The following OPN3 variants were observed in gnomAD, a reference collection of about 807,000 sequenced individuals.
OPN3 encodes the protein opsin 3, also known as opsin-3.
In OPN3, 29 loss-of-function variants were observed where a neutral mutation model predicts 33.8. The observed-to-expected ratio is 0.86, with a 90% CI of 0.64 to 1.17. The LOEUF is 1.17. OPN3 is among the 50% of genes most tolerant of loss of function. OPN3 has a pLI of 0.00. For synonymous variants in OPN3, 216 were observed against 216.1 expected (o/e 1.00, Z 0.00); for missense variants, 437 against 514.1 (o/e 0.85, Z 1.45).
chr1:241,598,340 A>G lies in OPN3; in HGVS notation c.694-343T>C, dbSNP rs949517889. On this transcript the variant is annotated intron_variant, in intron 2 of 3. Coordinates refer to ENST00000366554, the MANE Select transcript of OPN3 (RefSeq NM_014322.3). ...AAAGACAGCCTGAGAGAGTCACGAT[A>G]AAATGCAAAGAATTTCCCTGTGATC... 5.9e-5 allele frequency among the ~76,000 whole-genome samples: 9 copies of G among 152,292 alleles called. No homozygotes were observed. In the South Asian group the frequency reaches 8.3e-4, roughly 14 times the overall value.
At chr1:241,634,785 T>C (rs200332703) in intron 1 of OPN3, 13 of 1,613,838 alleles carry the variant, frequency 8.1e-6, no homozygotes, top group Non-Finnish European at 1.1e-5. Context: ...AGTTTTTTAG[T>C]TTTTAAGTAT....
intron 1 of OPN3, among the ~76,000 whole-genome samples, chr1:241,612,665 C>T (rs1244504021): frequency 6.6e-6 from 1 of 152,168 alleles, no homozygotes; most frequent in Non-Finnish European, 1.5e-5. Context: ...CCCTTAACTG[C>T]TCTATGGATA....
At chr1:241,632,807 CT>C (rs1322782961) in intron 1 of OPN3, 2 of 151,948 alleles carry the variant, frequency 1.3e-5, no homozygotes, top group Non-Finnish European at 2.9e-5. Context: ...ACTGAAAAAC[CT>C]TGGGTAATCT....
At chr1:241,627,156 TAA>T (rs1472328262) in intron 1 of OPN3, among the ~76,000 whole-genome samples, 2 of 152,314 alleles carry the variant, frequency 1.3e-5, no homozygotes, top group Non-Finnish European at 2.9e-5. Context: ...CATATCAGAA[TAA>T]AGAGATCGTT....
chr1:241,602,052 G>C (rs1365670139), intron 2 of OPN3, among the ~76,000 whole-genome samples: 1 of 152,182 alleles, frequency 6.6e-6, no homozygotes, highest in Non-Finnish European at 1.5e-5. Context: ...ACTGGAAATG[G>C]AGATGTTATC....
At chr1:241,604,693 T>A in intron 1 of OPN3, 114 bp from the exon 2 acceptor site, 2 of 954,840 alleles carry the variant, frequency 2.1e-6, no homozygotes, top group Non-Finnish European at 3.1e-6. Flanking sequence ...ATCGATAGAG[T>A]GCTCTCAAAG....
intron 1 of OPN3, chr1:241,634,629 A>T: frequency 6.2e-7 from 1 of 1,613,948 alleles, no homozygotes; most frequent in Non-Finnish European, 8.5e-7. Flanking sequence ...CCTTGGCCAT[A>T]CAAGGGAAAT....
intron 2 of OPN3, 75 bp from the exon 3 acceptor site, chr1:241,598,072 A>T: frequency 6.7e-7 from 1 of 1,486,926 alleles, no homozygotes; most frequent in Non-Finnish European, 9.0e-7. Flanking sequence ...TATAACAGAT[A>T]TTCAGACACC....
chr1:241,596,995 T>G (rs977714299), intron 3 of OPN3, among the ~76,000 whole-genome samples: 1 of 148,294 alleles, frequency 6.7e-6, no homozygotes. Flanking sequence ...AGCTAATTTT[T>G]TCTTTTTTTT....
chr1:241,602,806 G>A (rs914047647), intron 2 of OPN3, among the ~76,000 whole-genome samples: 1 of 152,086 alleles, frequency 6.6e-6, no homozygotes, highest in African/African-American at 2.4e-5. Flanking sequence ...CTGTCACATC[G>A]GTGGTTAGAG....
chr1:241,633,876 T>G (rs1664752240), intron 1 of OPN3: 1 of 1,613,896 alleles, frequency 6.2e-7, no homozygotes, highest in African/African-American at 1.3e-5. Context: ...ACTACATTAT[T>G]GGTTCCAGGA....
intron 1 of OPN3, among the ~76,000 whole-genome samples, chr1:241,606,591 T>TAAATA (rs1558439277): frequency 1.3e-4 from 19 of 144,100 alleles, no homozygotes; most frequent in African/African-American, 4.4e-4. Flanking sequence ...ATAAATAAAA[T>TAAATA]AAATAAAATA....
At chr1:241,604,739 A>G (rs1663780396) in intron 1 of OPN3, among the ~76,000 whole-genome samples, 160 bp from the exon 2 acceptor site, 1 of 152,204 alleles carries the variant, frequency 6.6e-6, no homozygotes, top group African/African-American at 2.4e-5. Context: ...CAAGGAAATT[A>G]TACTGAAAAT....
Position 241,604,527 on chromosome 1 carries a change from G to C in OPN3, c.426C>G (p.Arg142=). Residue 142 remains arginine, a synonymous_variant, in exon 2 of 4, where the codon CGC becomes CGG. Coordinates refer to ENST00000366554, the MANE Select transcript of OPN3 (RefSeq NM_014322.3). ...LTVLAYERYI[R]VVHARVINFS... ...AATTGATCACTCTGGCATGGACCAC[G>C]CGAATGTAACGTTCATAGGCCAGCA... The C allele has an allele frequency of 6.2e-7, 1 of 1,614,058 alleles. No homozygotes were observed. The highest frequency in any genetic ancestry group is 8.5e-7 in the Non-Finnish European group (1 of 1,180,006).
chr1:241,625,514 A>T (rs140953220), intron 1 of OPN3, among the ~76,000 whole-genome samples: 80 of 152,328 alleles, frequency 5.3e-4, no homozygotes, highest in African/African-American at 1.6e-3. Context: ...AAATTATTTT[A>T]AAAATACCAA....
At chr1:241,631,544 C>G (rs1664633221) in intron 1 of OPN3, 1 of 151,916 alleles carries the variant, frequency 6.6e-6, no homozygotes, top group Non-Finnish European at 1.5e-5. Flanking sequence ...GACTTTGCTA[C>G]TTTAAGTAAG....
Position 241,593,412 on chromosome 1 carries a change from G to A in OPN3, c.*1016C>T, listed in dbSNP as rs1179782865. On this transcript the variant is annotated 3_prime_UTR_variant, in exon 4 of 4. Transcript: ENST00000366554. Reference sequence around the variant, plus strand: ...TTCAAACATGATTAATTATGAAGATGAAACACTAGAGTCATATAAGAAATA... The same window carrying A: ...TTCAAACATGATTAATTATGAAGATAAAACACTAGAGTCATATAAGAAATA... 1 of 426,112 alleles carries A rather than the reference G, an allele frequency of 2.3e-6. No individual in the cohort carries two copies. Among genetic ancestry groups the A allele is most frequent in the Non-Finnish European group, 5.2e-6 (1 of 194,034 alleles). The allele number at this position is 426,112 out of a possible 1,614,324, so 26.4% of individuals were successfully genotyped here. A position where few individuals can be genotyped will look rare whatever the true frequency, so the allele number is the denominator to read the frequency against.
Position 241,634,556 on chromosome 1 carries a change from T to C in OPN3, c.373+5326A>G, listed in dbSNP as rs758394640. The stretch of plus-strand genomic sequence containing the variant: ...GTCGACTACAAAGCATTGTACTTTA[T>C]GACGAAGACAATAGATTCCACCAAA... On this transcript the variant is annotated intron_variant, in intron 1 of 3. Transcript: ENST00000366554. 5.7e-5 allele frequency: 92 copies of C among 1,613,764 alleles called. No individual in the cohort carries two copies. The highest frequency in any genetic ancestry group is 7.5e-5 in the Non-Finnish European group (89 of 1,179,874).
At position 241,613,856 on chromosome 1, in the gene OPN3, C is replaced by T. The variant is rs573935248; in HGVS notation, c.374-9277G>A. On this transcript the variant is annotated intron_variant, in intron 1 of 3. Coordinates refer to ENST00000366554, the MANE Select transcript of OPN3 (RefSeq NM_014322.3). ...CCAGCACAACATCAAAATTAAAACC[C>T]TTTCTGTGGGTTAAAAAATTAAGAT... 3.0e-4 allele frequency among the ~76,000 whole-genome samples: 46 copies of T among 152,240 alleles called. No homozygotes were observed. In the East Asian group the frequency reaches 6.8e-3, roughly 22 times the overall value.
Sources: gnomAD v4.1 joint callset for allele counts (sites outside exome capture counted in the v4.1 genomes callset) on GRCh38, gnomAD v4.1.1 for gene constraint, MANE v1.5 for transcripts, NCBI Gene and HGNC (gene_info 2026-07-23, HGNC 2026-07-21) for gene names.